The following DOCK4 variants were observed in gnomAD, a reference collection of about 807,000 sequenced individuals.
DOCK4 encodes dedicator of cytokinesis 4, also known as dedicator of cytokinesis protein 4.
In DOCK4, 97 loss-of-function variants were observed where a neutral mutation model predicts 268.1. That is an observed-to-expected ratio of 0.36 (90% CI 0.31 to 0.43). The LOEUF (loss-of-function observed/expected upper bound fraction) is 0.43, where lower values mean the gene tolerates loss of function less well. Among genes scored for constraint, DOCK4 ranks in the 20% least tolerant of loss-of-function variants. DOCK4 has a pLI of 1.00. For missense variants in DOCK4, 2,145 were observed against 2,455.7 expected (o/e 0.87, Z 2.67); for synonymous variants, 954 against 887.2 (o/e 1.08, Z -1.34).
chr7:112,100,017 A>C (rs193273456), intron 1 of DOCK4, among the ~76,000 whole-genome samples: 1 of 152,354 alleles, frequency 6.6e-6, no homozygotes, highest in Admixed American at 6.5e-5. Flanking sequence ...ATAATTTTAC[A>C]ATCATACCTT....
chr7:111,847,671 C>G lies in DOCK4; in HGVS notation c.2474-545G>C, dbSNP rs139009178. Among the ~76,000 whole-genome samples the G allele has an allele frequency of 3.4e-3, 515 of 152,196 alleles. 1 individual carries two copies. The highest frequency in any genetic ancestry group is 0.012 in the African/African-American group (485 of 41,528). Reference sequence around the variant, plus strand: ...ATCTGATGGTTTTTTAAGGGGTTTCCCTTTTCACTTGGCTTCATTCTCTCT... The same window carrying G: ...ATCTGATGGTTTTTTAAGGGGTTTCGCTTTTCACTTGGCTTCATTCTCTCT... On this transcript the variant is annotated intron_variant, in intron 23 of 52. Coordinates refer to ENST00000428084, the MANE Select transcript of DOCK4 (RefSeq NM_001363540.2).
chr7:112,014,696 C>T (rs138166130), intron 1 of DOCK4, among the ~76,000 whole-genome samples: 3 of 152,294 alleles, frequency 2.0e-5, no homozygotes, highest in African/African-American at 7.2e-5. Flanking sequence ...ATTAAGCCCA[C>T]TGCCTTTTTT....
intron 1 of DOCK4, among the ~76,000 whole-genome samples, chr7:112,012,798 T>TA (rs1432703614): frequency 1.3e-5 from 2 of 152,206 alleles, no homozygotes; most frequent in East Asian, 1.9e-4. Flanking sequence ...AGTTTTTTTT[T>TA]ATAAGAGAAA....
intron 26 of DOCK4, among the ~76,000 whole-genome samples, chr7:111,830,888 C>G (rs1159614782): frequency 2.0e-5 from 3 of 152,094 alleles, no homozygotes; most frequent in East Asian, 1.9e-4. Context: ...ATTTAGGGAA[C>G]CTTTCATGAT....
At chr7:111,927,357 T>G (rs1159936216) in intron 12 of DOCK4, among the ~76,000 whole-genome samples, 1 of 152,194 alleles carries the variant, frequency 6.6e-6, no homozygotes, top group African/African-American at 2.4e-5. Flanking sequence ...ATTGAAGCAA[T>G]ACATAATGTC....
rs76247375 is a variant in DOCK4 at position 111,852,724 on chromosome 7, A to G, written c.2474-5598T>C. Among the ~76,000 whole-genome samples, 724 of 152,344 alleles carry G rather than the reference A, an allele frequency of 4.8e-3. 19 individuals are homozygous for G. The East Asian group carries it at 0.061, about 13-fold the overall frequency. On this transcript the variant is annotated intron_variant, in intron 23 of 52. Coordinates refer to ENST00000428084, the MANE Select transcript of DOCK4 (RefSeq NM_001363540.2). ...GTGTGGCATGTATACAAAGAAATAC[A>G]TAACAACCCAGCTTGCAGATTTGCT...
intron 8 of DOCK4, among the ~76,000 whole-genome samples, chr7:111,972,460 TA>T (rs1797795801): frequency 6.6e-6 from 1 of 152,164 alleles, no homozygotes; most frequent in Non-Finnish European, 1.5e-5. Flanking sequence ...TAGTGCTCAA[TA>T]AATACTGGCT....
chr7:111,743,062 G>T (rs574155254), intron 44 of DOCK4, among the ~76,000 whole-genome samples: 2 of 151,914 alleles, frequency 1.3e-5, no homozygotes, highest in South Asian at 4.2e-4. Context: ...ATAATTCAAC[G>T]AGAGAGCAGG....
intron 1 of DOCK4, among the ~76,000 whole-genome samples, chr7:112,066,670 CATATACATATATACATATACATATAT>C (rs1359088241): frequency 0.016 from 843 of 51,396 alleles, 55 homozygotes; most frequent in African/African-American, 0.042. Flanking sequence ...TATACATATA[CATATACATATATACATATACATATAT>C]ATATATATAT....
chr7:111,862,479 ATTCTTTTT>A (rs1805618172), intron 23 of DOCK4, among the ~76,000 whole-genome samples: 2 of 129,268 alleles, frequency 1.5e-5, no homozygotes, highest in African/African-American at 6.1e-5. Context: ...TGGGAAAATC[ATTCTTTTT>A]TTTTTTTTTT....
At chr7:112,063,551 A>G (rs1806638571) in intron 1 of DOCK4, among the ~76,000 whole-genome samples, 1 of 152,236 alleles carries the variant, frequency 6.6e-6, no homozygotes, top group African/African-American at 2.4e-5. Flanking sequence ...TGTACCACAT[A>G]TCACTAACCC....
At chr7:111,988,992 G>A (rs190058748) in intron 6 of DOCK4, 23 bp downstream of exon 6, 130 of 1,594,458 alleles carry the variant, frequency 8.2e-5, no homozygotes, top group African/African-American at 6.6e-4. Flanking sequence ...ACTAGAGGCC[G>A]CCCTGTGATG....
At chr7:111,995,046 T>G (rs1586597869) in intron 4 of DOCK4, among the ~76,000 whole-genome samples, 1 of 117,856 alleles carries the variant, frequency 8.5e-6, no homozygotes, top group Non-Finnish European at 1.8e-5. Context: ...GTTTTTTTTT[T>G]TTGAGAACAG....
chr7:111,837,545 T>C lies in DOCK4; in HGVS notation c.2737-2859A>G, dbSNP rs1803325663. Among the ~76,000 whole-genome samples, 5 of 152,166 alleles carry C rather than the reference T, an allele frequency of 3.3e-5. No homozygotes were observed. In the South Asian group the frequency reaches 1.0e-3, roughly 32 times the overall value. On this transcript the variant is annotated intron_variant, in intron 25 of 52. Transcript: ENST00000428084. ...AAAGAGCTACTGGAACTAATTGAGT[T>C]TATTTACATTCCAAAATATAAGATC...
intron 1 of DOCK4, among the ~76,000 whole-genome samples, chr7:112,198,063 T>C (rs1035582132): frequency 1.3e-5 from 2 of 151,520 alleles, no homozygotes; most frequent in South Asian, 2.1e-4. Flanking sequence ...ACATCTGCTA[T>C]AAATCACGTT....
intron 12 of DOCK4, among the ~76,000 whole-genome samples, chr7:111,924,572 G>C (rs1321896252): frequency 6.6e-6 from 1 of 152,108 alleles, no homozygotes; most frequent in Non-Finnish European, 1.5e-5. Context: ...GGAGTTGGCA[G>C]TTACTCTTTA....
chr7:111,915,986 A>C, intron 12 of DOCK4, 82 bp from the exon 13 acceptor site: 1 of 1,421,550 alleles, frequency 7.0e-7, no homozygotes, highest in Non-Finnish European at 9.6e-7. Flanking sequence ...ACAAGCCCAA[A>C]TTTAGAATAT....
At chr7:111,963,392 T>C (rs970590716) in intron 8 of DOCK4, among the ~76,000 whole-genome samples, 2 of 127,842 alleles carry the variant, frequency 1.6e-5, no homozygotes, top group Non-Finnish European at 3.1e-5. Flanking sequence ...TTGCCTCACC[T>C]GGGAAGCGCA....
chr7:112,146,795 C>T (rs1815550660), intron 1 of DOCK4, among the ~76,000 whole-genome samples: 1 of 152,118 alleles, frequency 6.6e-6, no homozygotes, highest in Admixed American at 6.6e-5. Flanking sequence ...GATATCTCTT[C>T]ATCCCATCTA....
Sources: allele counts gnomAD v4.1 joint callset (sites outside exome capture counted in the v4.1 genomes callset), GRCh38; gene constraint gnomAD v4.1.1; transcripts MANE v1.5; gene names NCBI Gene and HGNC (gene_info 2026-07-23, HGNC 2026-07-21).